Variants in ERICH3 observed in about 807,000 individuals in gnomAD.
ERICH3 encodes the protein glutamate-rich protein 3.
ERICH3 carries 126 observed loss-of-function variants against 131.1 expected under a neutral mutation model. The ratio of observed to expected loss-of-function variants is 0.96; its 90% CI spans 0.83 to 1.11. The LOEUF (loss-of-function observed/expected upper bound fraction) is 1.11, where lower values mean the gene tolerates loss of function less well. ERICH3 is among the 50% of genes most tolerant of loss of function. The pLI is 0.00. For synonymous variants in ERICH3, 695 were observed against 644.6 expected (o/e 1.08, Z -1.18); for missense variants, 2,050 against 1,810.7 (o/e 1.13, Z -2.40).
intron 13 of ERICH3, 27 bp from the exon 14 acceptor site, chr1:74,573,518 ATTACT>A: frequency 6.7e-7 from 1 of 1,489,706 alleles, no homozygotes; most frequent in East Asian, 2.4e-5. Context: ...AGAAATCAAG[ATTACT>A]TTAATCCAAG....
intron 6 of ERICH3, among the ~76,000 whole-genome samples, chr1:74,632,732 A>G (rs1160853410): frequency 1.3e-5 from 2 of 152,012 alleles, no homozygotes; most frequent in African/African-American, 4.8e-5. Context: ...AAAAAGGTTC[A>G]TATGGTATGA....
At chr1:74,651,473 T>C (rs1646534179) in intron 1 of ERICH3, among the ~76,000 whole-genome samples, 1 of 152,162 alleles carries the variant, frequency 6.6e-6, no homozygotes, top group Non-Finnish European at 1.5e-5. Flanking sequence ...TTAAATGAAC[T>C]GCCTTGGTGT....
intron 9 of ERICH3, among the ~76,000 whole-genome samples, chr1:74,610,682 T>C (rs889021961): frequency 6.6e-5 from 10 of 152,010 alleles, no homozygotes; most frequent in African/African-American, 2.4e-4. Flanking sequence ...TACCATTCTT[T>C]ATAGCAAAAC....
At chr1:74,664,605 T>C (rs12239912) in intron 1 of ERICH3, among the ~76,000 whole-genome samples, 69,590 of 152,070 alleles carry the variant, frequency 0.46, 16,379 homozygotes, top group Middle Eastern at 0.52. Flanking sequence ...TGCTGTTTCA[T>C]AACTACTATG....
intron 1 of ERICH3, among the ~76,000 whole-genome samples, chr1:74,654,354 G>GTGTATATATATATATGTA (rs1646564070): frequency 1.3e-5 from 2 of 149,772 alleles, no homozygotes; most frequent in African/African-American, 5.1e-5. Flanking sequence ...TGTAGGATAT[G>GTGTATATATATATATGTA]TGTATATATA....
chr1:74,594,472 A>T (rs1231240446), intron 11 of ERICH3, among the ~76,000 whole-genome samples: 4 of 152,082 alleles, frequency 2.6e-5, no homozygotes. Flanking sequence ...AGTTGTCCTC[A>T]CTTTCCTTCC....
intron 4 of ERICH3, among the ~76,000 whole-genome samples, chr1:74,641,954 C>T (rs1646441500): frequency 6.6e-6 from 1 of 152,148 alleles, no homozygotes; most frequent in African/African-American, 2.4e-5. Context: ...TGCCCATGTA[C>T]TTCCTTTAGT....
chr1:74,633,605 T>G (rs1052343493), intron 6 of ERICH3, among the ~76,000 whole-genome samples: 4 of 152,006 alleles, frequency 2.6e-5, no homozygotes, highest in African/African-American at 4.8e-5. Flanking sequence ...CATCTTTTCA[T>G]GCCAGTGCAA....
At chr1:74,602,707 T>C (rs1479654849) in intron 10 of ERICH3, among the ~76,000 whole-genome samples, 2 of 151,898 alleles carry the variant, frequency 1.3e-5, no homozygotes, top group Non-Finnish European at 2.9e-5. Context: ...ATAGGTATCA[T>C]GAGTATAAAG....
In ERICH3 at chr1:74,573,344, A is replaced by T; in HGVS notation, c.2366T>A (p.Val789Glu). Residue 789 changes from valine to glutamate, a missense_variant, in exon 14 of 15, where the codon GTA becomes GAA. Val to Glu is a moderately radical substitution (Grantham distance 121, BLOSUM62 -2). Coordinates refer to ENST00000326665, the MANE Select transcript of ERICH3 (RefSeq NM_001002912.5). ...CAGTGCTGCCTCCCCTTTTCCCTGT[A>T]CTATGTCAGCATCTCTGTGCTGGGG... ...EAPQHRDADI[V>E]QGKGEAALWG... 2 of 1,611,328 alleles carry T rather than the reference A, an allele frequency of 1.2e-6. No homozygotes were observed. Among genetic ancestry groups the T allele is most frequent in the East Asian group, 2.2e-5 (1 of 44,826 alleles).
intron 14 of ERICH3, 28 bp downstream of exon 14, chr1:74,571,071 C>T (rs1646933365): frequency 1.9e-6 from 3 of 1,574,112 alleles, no homozygotes; most frequent in South Asian, 1.2e-5. Context: ...GCTATTTAGT[C>T]CTACAAAGAC....
At chr1:74,629,150 G>A (rs1199003656) in intron 7 of ERICH3, among the ~76,000 whole-genome samples, 1 of 151,958 alleles carries the variant, frequency 6.6e-6, no homozygotes, top group Non-Finnish European at 1.5e-5. Context: ...TTTAAAAGTA[G>A]CATTCAGTGA....
Position 74,589,962 on chromosome 1 carries a change from G to A in ERICH3, c.1845C>T (p.Ala615=). Residue 615 remains alanine, a synonymous_variant, in exon 12 of 15, where the codon GCC becomes GCT. Transcript: ENST00000326665. ...TCAGTTCCTGAGAAGATGACCTTCTGGCACTTTCATCTGTGCTGCTGTCAG... is the reference window on the plus strand; with the variant it reads ...TCAGTTCCTGAGAAGATGACCTTCTAGCACTTTCATCTGTGCTGCTGTCAG... ...AHTDSSTDES[A]RRSSSQELSE... is the part of the protein sequence containing the mutation. The A allele has an allele frequency of 6.2e-7, 1 of 1,613,938 alleles. No homozygotes were observed. Among genetic ancestry groups the A allele is most frequent in the Non-Finnish European group, 8.5e-7 (1 of 1,179,918 alleles).
intron 12 of ERICH3, chr1:74,578,706 TTCCTTCC>T (rs1647120415): frequency 6.6e-6 from 1 of 151,846 alleles, no homozygotes; most frequent in Non-Finnish European, 1.5e-5. Flanking sequence ...ACTTCCTTCC[TTCCTTCC>T]TTCCTTCCTC....
At position 74,643,108 on chromosome 1, in the gene ERICH3, C is replaced by A. The variant is rs777394476; in HGVS notation, c.244-10G>T. 1.2e-6 allele frequency: 2 copies of A among 1,603,570 alleles called. No individual in the cohort carries two copies. Among genetic ancestry groups the A allele is most frequent in the South Asian group, 2.2e-5 (2 of 90,550 alleles). ...CAAGCTGATGGTAACGCTAAGCATACAGGAAAGAATAAAGGAGAGAATCAT... is the reference window on the plus strand; with the variant it reads ...CAAGCTGATGGTAACGCTAAGCATAAAGGAAAGAATAAAGGAGAGAATCAT... On this transcript the variant is annotated splice_polypyrimidine_tract_variant and intron_variant, in intron 3 of 14. Transcript: ENST00000326665.
chr1:74,577,237 A>C, intron 12 of ERICH3: 1 of 142,006 alleles, frequency 7.0e-6, no homozygotes, highest in Non-Finnish European at 1.3e-5. Flanking sequence ...TCTATTCCTT[A>C]GTTGAAAGAA....
rs1648411983 is a variant in ERICH3 at position 74,606,728 on chromosome 1, G to C, written c.1362C>G (p.Ala454=). The C allele has an allele frequency of 6.2e-7, 1 of 1,613,294 alleles. No individual in the cohort carries two copies. Among genetic ancestry groups the C allele is most frequent in the African/African-American group, 1.3e-5 (1 of 74,910 alleles). ...TTTTTATTTCTTGAGCTGAAAATTT[G>C]GCTGAAACAGAGGTTTTGTTCTCCT... ...EIKENKTSVS[A]KFSAQEIKTG... is the part of the protein sequence containing the mutation. Residue 454 remains alanine (A), a synonymous_variant, in exon 10 of 15, where the codon GCC becomes GCG. Coordinates refer to ENST00000326665, the MANE Select transcript of ERICH3 (RefSeq NM_001002912.5).
At chr1:74,648,466 T>C (rs1458293353) in intron 2 of ERICH3, among the ~76,000 whole-genome samples, 1 of 152,152 alleles carries the variant, frequency 6.6e-6, no homozygotes, top group African/African-American at 2.4e-5. Flanking sequence ...CAGGTCTGTC[T>C]GATAACGAAT....
At chr1:74,637,016 A>T (rs777452544) in intron 5 of ERICH3, among the ~76,000 whole-genome samples, 3 of 152,192 alleles carry the variant, frequency 2.0e-5, no homozygotes, top group Non-Finnish European at 4.4e-5. Flanking sequence ...TGTAACTGGC[A>T]ACTTTGGAAA....
Sources: gnomAD v4.1 joint callset for allele counts (sites outside exome capture counted in the v4.1 genomes callset) on GRCh38, gnomAD v4.1.1 for gene constraint, MANE v1.5 for transcripts, NCBI Gene and HGNC (gene_info 2026-07-23, HGNC 2026-07-21) for gene names.